Variants in PTPRT observed in about 807,000 individuals in gnomAD.
PTPRT encodes the protein protein tyrosine phosphatase receptor type T.
Under a neutral mutation model 176.8 loss-of-function variants are expected in PTPRT, and 56 were observed. That is an observed-to-expected ratio of 0.32 (90% CI 0.26 to 0.40). The LOEUF (loss-of-function observed/expected upper bound fraction) is 0.40. PTPRT is among the 10% of genes least tolerant of loss of function. PTPRT has a pLI of 1.00. For missense variants in PTPRT, 1,540 were observed against 1,908.2 expected, an observed-to-expected ratio of 0.81 and a Z score of 3.60; for synonymous variants, 783 against 739.0, an observed-to-expected ratio of 1.06 and a Z score of -0.96.
chr20:42,718,770 G>T (rs191640531), intron 6 of PTPRT, among the ~76,000 whole-genome samples: 103 of 152,200 alleles, frequency 6.8e-4, no homozygotes, highest in African/African-American at 2.4e-3. Context: ...TCTGTATCTC[G>T]ATCAGGATGT....
chr20:43,010,241 CT>C (rs1271104410), intron 1 of PTPRT, among the ~76,000 whole-genome samples: 2 of 152,176 alleles, frequency 1.3e-5, no homozygotes, highest in African/African-American at 4.8e-5. Context: ...TATCAAGTCA[CT>C]TCCTGCCAAA....
At chr20:42,132,829 A>T (rs1459464286) in intron 18 of PTPRT, among the ~76,000 whole-genome samples, 1 of 152,214 alleles carries the variant, frequency 6.6e-6, no homozygotes, top group African/African-American at 2.4e-5. Context: ...TATTTACCCA[A>T]ATGAGGTGAA....
chr20:43,087,514 C>T (rs2011645867), intron 1 of PTPRT, among the ~76,000 whole-genome samples: 1 of 151,942 alleles, frequency 6.6e-6, no homozygotes, highest in Non-Finnish European at 1.5e-5. Flanking sequence ...CAGGCATGTG[C>T]CACCATGCCC....
At chr20:42,353,424 G>A (rs1169764032) in intron 9 of PTPRT, among the ~76,000 whole-genome samples, 1 of 152,156 alleles carries the variant, frequency 6.6e-6, no homozygotes, top group Non-Finnish European at 1.5e-5. Context: ...TTTTCAAATT[G>A]TATATGGAGA....
At chr20:42,979,522 TTCTTA>T (rs1469918392) in intron 1 of PTPRT, among the ~76,000 whole-genome samples, 2 of 152,194 alleles carry the variant, frequency 1.3e-5, no homozygotes, top group African/African-American at 2.4e-5. Flanking sequence ...GCTGTGCTGA[TTCTTA>T]TTTCAGACGG....
chr20:42,771,081 G>A (rs1222059243), intron 5 of PTPRT, among the ~76,000 whole-genome samples: 1 of 152,086 alleles, frequency 6.6e-6, no homozygotes. Flanking sequence ...GCCCCATTTC[G>A]TAAACTCACA....
At chr20:42,481,762 A>G (rs1188436098) in intron 7 of PTPRT, among the ~76,000 whole-genome samples, 1 of 145,890 alleles carries the variant, frequency 6.9e-6, no homozygotes, top group Non-Finnish European at 1.5e-5. Flanking sequence ...AAAAGAAAAA[A>G]ACCATACACA....
intron 1 of PTPRT, among the ~76,000 whole-genome samples, chr20:43,030,278 A>C (rs1395475501): frequency 6.6e-6 from 1 of 152,254 alleles, no homozygotes; most frequent in Non-Finnish European, 1.5e-5. Flanking sequence ...TTTTACAACA[A>C]GATGCATCAG....
At chr20:42,713,747 C>T (rs2076181548) in intron 6 of PTPRT, among the ~76,000 whole-genome samples, 1 of 152,074 alleles carries the variant, frequency 6.6e-6, no homozygotes, top group Admixed American at 6.6e-5. Flanking sequence ...TAGTTTAGCA[C>T]CATCCCTCTT....
Position 42,571,588 on chromosome 20 carries a change from A to G in PTPRT, c.1154-99026T>C, listed in dbSNP as rs1047316853. ...ACTAATCCAAGTGCCCTTGTGAATG[A>G]AACTGTTCACGTAGTTCAGATTTCT... On this transcript the variant is annotated intron_variant, in intron 7 of 30. Coordinates refer to ENST00000373187, the MANE Select transcript of PTPRT (RefSeq NM_007050.6). Among the ~76,000 whole-genome samples, 6 of 152,242 alleles carry G rather than the reference A, an allele frequency of 3.9e-5. No individual in the cohort carries two copies. The East Asian group carries it at 1.2e-3, about 29-fold the overall frequency.
intron 1 of PTPRT, among the ~76,000 whole-genome samples, chr20:42,969,882 A>G (rs1459618304): frequency 6.6e-6 from 1 of 152,234 alleles, no homozygotes; most frequent in Non-Finnish European, 1.5e-5. Context: ...AGTTAAATAA[A>G]TCTAAATCCG....
chr20:42,849,710 G>A (rs1043199640), intron 2 of PTPRT, among the ~76,000 whole-genome samples: 5 of 152,156 alleles, frequency 3.3e-5, no homozygotes, highest in African/African-American at 1.2e-4. Context: ...GAATCTTTCA[G>A]AGAATAATCT....
chr20:42,616,527 G>A (rs2074082053), intron 7 of PTPRT, among the ~76,000 whole-genome samples: 4 of 127,838 alleles, frequency 3.1e-5, no homozygotes, highest in Non-Finnish European at 6.4e-5. Flanking sequence ...ATTACCTTGG[G>A]CAGTATGGCC....
intron 2 of PTPRT, among the ~76,000 whole-genome samples, chr20:42,791,789 A>G (rs1178003682): frequency 6.6e-6 from 1 of 152,258 alleles, no homozygotes; most frequent in African/African-American, 2.4e-5. Flanking sequence ...AACATCTCCA[A>G]GCATTCAAAA....
chr20:43,127,686 T>G (rs951929103), intron 1 of PTPRT, among the ~76,000 whole-genome samples: 4 of 152,056 alleles, frequency 2.6e-5, no homozygotes, highest in African/African-American at 9.7e-5. Flanking sequence ...CAGAGGGATG[T>G]TAAAGAGCCC....
At chr20:42,447,391 G>A (rs2070752629) in intron 9 of PTPRT, among the ~76,000 whole-genome samples, 2 of 152,012 alleles carry the variant, frequency 1.3e-5, no homozygotes, top group Non-Finnish European at 2.9e-5. Flanking sequence ...TAGGACACTA[G>A]GCTACATCAT....
chr20:42,392,236 A>G (rs1248566077), intron 9 of PTPRT, among the ~76,000 whole-genome samples: 1 of 152,218 alleles, frequency 6.6e-6, no homozygotes, highest in Non-Finnish European at 1.5e-5. Flanking sequence ...ACCTTTTCTC[A>G]GACCTTGCAT....
chr20:42,495,260 T>C (rs532697322), intron 7 of PTPRT, among the ~76,000 whole-genome samples: 5 of 152,314 alleles, frequency 3.3e-5, no homozygotes, highest in African/African-American at 1.2e-4. Flanking sequence ...TTTGTTCAAG[T>C]TGTCTTAGGT....
intron 7 of PTPRT, among the ~76,000 whole-genome samples, chr20:42,625,192 A>G (rs565798470): frequency 6.6e-6 from 1 of 152,278 alleles, no homozygotes; most frequent in East Asian, 1.9e-4. Context: ...GAAAGTCCTC[A>G]CTGTGAGGTC....
Sources: gnomAD v4.1 joint callset for allele counts (sites outside exome capture counted in the v4.1 genomes callset) on GRCh38, gnomAD v4.1.1 for gene constraint, MANE v1.5 for transcripts, NCBI Gene and HGNC (gene_info 2026-07-23, HGNC 2026-07-21) for gene names.